The following ATRX variants were observed in gnomAD, a reference collection of about 807,000 sequenced individuals.
ATRX encodes chromatin remodeler ATRX.
Under a neutral mutation model 172.6 loss-of-function variants are expected in ATRX, and 12 were observed. The ratio of observed to expected loss-of-function variants is 0.07; its 90% CI spans 0.04 to 0.11. The LOEUF is 0.11. ATRX is among the 10% of genes least tolerant of loss of function. The pLI is 1.00. For synonymous variants in ATRX, 674 were observed against 594.7 expected (o/e 1.13, Z -1.94); for missense variants, 1,368 against 1,767.4 (o/e 0.77, Z 4.05).
chrX:77,555,902 C>T (rs182408261), intron 30 of ATRX, among the ~76,000 whole-genome samples: 4 of 109,550 alleles, frequency 3.7e-5, no homozygotes, highest in East Asian at 5.8e-4. Context: ...GGACCAGGCG[C>T]GGTGGCTCAC....
chrX:77,653,013 AAAAAAAAAG>A (rs2069345583), intron 14 of ATRX, among the ~76,000 whole-genome samples: 1 of 109,182 alleles, frequency 9.2e-6, no homozygotes, highest in African/African-American at 3.3e-5. Context: ...TTAAAAAAAA[AAAAAAAAAG>A]AAAAAAAGAA....
intron 23 of ATRX, 61 bp downstream of exon 23, chrX:77,600,373 T>C: frequency 8.4e-7 from 1 of 1,185,192 alleles, no homozygotes; most frequent in South Asian, 1.8e-5. Context: ...TGTAGGTCAA[T>C]TTTTTGTCTA....
chrX:77,570,552 C>G (rs1351128942), intron 28 of ATRX, among the ~76,000 whole-genome samples: 5 of 111,182 alleles, frequency 4.5e-5, no homozygotes, highest in Admixed American at 2.9e-4. Flanking sequence ...CAAAAATTAA[C>G]TCAATACAAC....
intron 1 of ATRX, among the ~76,000 whole-genome samples, chrX:77,738,883 G>A: frequency 9.0e-6 from 1 of 111,208 alleles, no homozygotes; most frequent in Middle Eastern, 4.7e-3. Flanking sequence ...ATGGACGAAG[G>A]ATAAGCTAAG....
At chrX:77,603,019 A>G (rs1396686436) in intron 22 of ATRX, among the ~76,000 whole-genome samples, 2 of 111,356 alleles carry the variant, frequency 1.8e-5, no homozygotes, top group Non-Finnish European at 3.8e-5. Context: ...GAAAAAAGAG[A>G]GAGGACTCAA....
intron 30 of ATRX, among the ~76,000 whole-genome samples, chrX:77,549,131 T>C (rs2064360313): frequency 8.9e-6 from 1 of 111,870 alleles, no homozygotes; most frequent in Non-Finnish European, 1.9e-5. Flanking sequence ...ATGCCTGTAA[T>C]CCCAGCACTT....
In ATRX at chrX:77,589,338, T is replaced by C. The variant is rs186201963; in HGVS notation, c.6217+496A>G. Among the ~76,000 whole-genome samples the C allele has an allele frequency of 2.5e-3, 283 of 111,984 alleles. 2 individuals are homozygous for C. The highest frequency in any genetic ancestry group is 8.7e-3 in the African/African-American group (269 of 30,861). ...GATTAAAATGTTCAAAAACTGACTC[T>C]AGTGATGTTTGTACATCTCTGTGAA... On this transcript the variant is annotated intron_variant, in intron 27 of 34. Transcript: ENST00000373344.
chrX:77,586,920 T>A (rs1206607603), intron 27 of ATRX, among the ~76,000 whole-genome samples: 8 of 109,998 alleles, frequency 7.3e-5, no homozygotes, highest in African/African-American at 2.7e-4. Context: ...CCAGGCATGG[T>A]GGCACACACC....
intron 15 of ATRX, among the ~76,000 whole-genome samples, chrX:77,642,539 T>C (rs781809071): frequency 1.1e-3 from 124 of 109,409 alleles, no homozygotes; most frequent in Middle Eastern, 9.5e-3. Flanking sequence ...CCTGTACTTC[T>C]AGCTACTCAG....
chrX:77,546,094 G>A (rs967910603), intron 30 of ATRX, among the ~76,000 whole-genome samples: 1 of 111,143 alleles, frequency 9.0e-6, no homozygotes, highest in African/African-American at 3.3e-5. Flanking sequence ...TTACTTCTCC[G>A]CAAGCTTAAT....
intron 30 of ATRX, among the ~76,000 whole-genome samples, chrX:77,531,663 A>G (rs181833428): frequency 2.7e-5 from 3 of 111,903 alleles, no homozygotes; most frequent in Non-Finnish European, 3.8e-5. Flanking sequence ...CGACAAACCC[A>G]TGGCCAATAT....
intron 25 of ATRX, among the ~76,000 whole-genome samples, chrX:77,597,983 CAT>C (rs1350453467): frequency 8.9e-6 from 1 of 111,925 alleles, no homozygotes; most frequent in Non-Finnish European, 1.9e-5. Context: ...CACATGCACT[CAT>C]ATATTTATTA....
chrX:77,558,930 G>GT (rs1310062514), intron 28 of ATRX, 84 bp from the exon 29 acceptor site: 454 of 772,371 alleles, frequency 5.9e-4, no homozygotes, highest in South Asian at 1.1e-3. Context: ...TTGATACTTA[G>GT]TTTTTTTTTA....
At chrX:77,590,013 AC>A (rs1557079352) in intron 26 of ATRX, 73 bp from the exon 27 acceptor site, 1 of 862,788 alleles carries the variant, frequency 1.2e-6, no homozygotes, top group Non-Finnish European at 1.7e-6. Context: ...AAATCGATCT[AC>A]AAATTTAACA....
intron 30 of ATRX, among the ~76,000 whole-genome samples, chrX:77,523,725 A>G (rs1452083384): frequency 1.8e-5 from 2 of 111,802 alleles, no homozygotes; most frequent in Non-Finnish European, 3.8e-5. Flanking sequence ...AAATGCTAAC[A>G]TAAGTCTGCT....
At chrX:77,725,152 C>G (rs182321671) in intron 1 of ATRX, among the ~76,000 whole-genome samples, 1 of 111,628 alleles carries the variant, frequency 9.0e-6, no homozygotes. Flanking sequence ...AGTGGTTAAA[C>G]CGCATTGCCA....
In ATRX at chrX:77,574,333, A is replaced by T. The variant is rs2148019980; in HGVS notation, c.6243T>A (p.Ile2081=). 1 of 1,205,179 alleles carries T rather than the reference A, an allele frequency of 8.3e-7. No individual in the cohort carries two copies. The highest frequency in any genetic ancestry group is 3.0e-5 in the East Asian group (1 of 33,774). Residue 2081 remains isoleucine (I), a synonymous_variant, in exon 28 of 35, where the codon ATT becomes ATA. Transcript: ENST00000373344. The part of the protein sequence containing the change: ...YKGEGKWLRN[I]DYYRLDGSTT... The stretch of plus-strand genomic sequence containing the variant: ...TGGAACCATCTAAACGGTAATAGTC[A>T]ATGTTTCGAAGCCACTTCCCCTCAC...
chrX:77,552,774 G>A (rs1340437900), intron 30 of ATRX, among the ~76,000 whole-genome samples: 9 of 110,681 alleles, frequency 8.1e-5, no homozygotes, highest in African/African-American at 3.0e-4. Flanking sequence ...AGTAAAAACT[G>A]AACAAGAAGA....
chrX:77,629,181 T>C (rs1696813152), intron 19 of ATRX, among the ~76,000 whole-genome samples: 1 of 112,483 alleles, frequency 8.9e-6, no homozygotes, highest in African/African-American at 3.2e-5. Flanking sequence ...AATTTAGACT[T>C]TTCTTTAACA....
Sources: gnomAD v4.1 joint callset for allele counts (sites outside exome capture counted in the v4.1 genomes callset) on GRCh38, gnomAD v4.1.1 for gene constraint, MANE v1.5 for transcripts, NCBI Gene and HGNC (gene_info 2026-07-23, HGNC 2026-07-21) for gene names.